The following NCEH1 variants were observed in gnomAD, a reference collection of about 807,000 sequenced individuals.
The protein encoded by NCEH1 is neutral cholesterol ester hydrolase 1.
A neutral mutation model predicts 25.4 loss-of-function variants in NCEH1; 9 were observed. The observed-to-expected ratio is 0.35, with a 90% CI of 0.21 to 0.62. NCEH1 has a LOEUF of 0.62. Ranked by LOEUF, NCEH1 falls within the 20% of genes least tolerant of loss-of-function variation. The pLI is 0.72. For synonymous variants in NCEH1, 200 were observed against 199.8 expected (o/e 1.00, Z -0.01); for missense variants, 412 against 501.1 (o/e 0.82, Z 1.70).
intron 3 of NCEH1, among the ~76,000 whole-genome samples, chr3:172,642,166 T>TC (rs937472002): frequency 2.6e-5 from 4 of 151,750 alleles, no homozygotes; most frequent in African/African-American, 9.7e-5. Flanking sequence ...GCTTTTTTTT[T>TC]CTATTTTTTT....
chr3:172,640,256 C>T (rs1414157824), intron 3 of NCEH1, among the ~76,000 whole-genome samples: 2 of 152,138 alleles, frequency 1.3e-5, no homozygotes, highest in African/African-American at 4.8e-5. Context: ...CACCATCACC[C>T]AAGAAAATCT....
intron 1 of NCEH1, among the ~76,000 whole-genome samples, chr3:172,653,929 G>A (rs901038698): frequency 2.6e-5 from 4 of 151,750 alleles, no homozygotes; most frequent in African/African-American, 9.7e-5. Flanking sequence ...GCTAATTTTT[G>A]TATTTTTAGT....
Position 172,630,431 on chromosome 3 carries a change from T to C in NCEH1, c.*3044A>G, listed in dbSNP as rs1716296441. Reference sequence around the variant, plus strand: ...GGGCCTGCCTGGCTTTTATGAATATTCTAGCCAGTCCAAAGGAGGGCAACA... The same window carrying C: ...GGGCCTGCCTGGCTTTTATGAATATCCTAGCCAGTCCAAAGGAGGGCAACA... On this transcript the variant is annotated 3_prime_UTR_variant, in exon 5 of 5. Coordinates refer to ENST00000475381, the MANE Select transcript of NCEH1 (RefSeq NM_020792.6). 1 of 152,212 alleles carries C rather than the reference T, an allele frequency of 6.6e-6. No individual in the cohort carries two copies. Among genetic ancestry groups the C allele is most frequent in the Admixed American group, 6.5e-5 (1 of 15,278 alleles). The allele number at this position is 152,212 out of a possible 1,614,324, so 9.4% of individuals were successfully genotyped here.
At chr3:172,641,378 T>C (rs1274773933) in intron 3 of NCEH1, among the ~76,000 whole-genome samples, 2 of 152,246 alleles carry the variant, frequency 1.3e-5, no homozygotes, top group African/African-American at 4.8e-5. Flanking sequence ...TCATTTGGTC[T>C]GTCCCCAGAC....
intron 1 of NCEH1, among the ~76,000 whole-genome samples, chr3:172,678,730 G>A (rs1252321278): frequency 6.6e-6 from 1 of 152,004 alleles, no homozygotes; most frequent in Non-Finnish European, 1.5e-5. Context: ...CCTTAAAGGG[G>A]CACAACTGCA....
chr3:172,689,190 G>C (rs966607999), intron 1 of NCEH1, among the ~76,000 whole-genome samples: 2 of 149,440 alleles, frequency 1.3e-5, no homozygotes, highest in African/African-American at 4.9e-5. Flanking sequence ...TTCATAACAA[G>C]CAAGACTATA....
chr3:172,660,451 T>G (rs1199158485), intron 1 of NCEH1, among the ~76,000 whole-genome samples: 1 of 152,196 alleles, frequency 6.6e-6, no homozygotes, highest in African/African-American at 2.4e-5. Flanking sequence ...TGCATGTGTC[T>G]TTATAGTAGC....
At chr3:172,657,136 A>G (rs1023642661) in intron 1 of NCEH1, among the ~76,000 whole-genome samples, 1 of 152,100 alleles carries the variant, frequency 6.6e-6, no homozygotes, top group Admixed American at 6.6e-5. Context: ...CGACTTCACA[A>G]TTCCTTCTTT....
intron 1 of NCEH1, among the ~76,000 whole-genome samples, chr3:172,687,043 C>T (rs573783324): frequency 7.9e-5 from 12 of 152,300 alleles, no homozygotes; most frequent in Non-Finnish European, 1.0e-4. Flanking sequence ...GTACAGTTAA[C>T]GGACAATAAT....
intron 1 of NCEH1, among the ~76,000 whole-genome samples, chr3:172,656,459 T>A (rs1390889297): frequency 1.3e-5 from 2 of 152,172 alleles, no homozygotes; most frequent in Admixed American, 6.5e-5. Context: ...GTTCTGTCTT[T>A]GTCCTAAAGA....
At chr3:172,708,592 C>A (rs1714133785) in intron 1 of NCEH1, among the ~76,000 whole-genome samples, 1 of 152,138 alleles carries the variant, frequency 6.6e-6, no homozygotes, top group South Asian at 2.1e-4. Flanking sequence ...CTCCTGACCT[C>A]GTGATCCACC....
At chr3:172,695,018 CATA>C (rs749080049) in intron 1 of NCEH1, among the ~76,000 whole-genome samples, 1 of 152,188 alleles carries the variant, frequency 6.6e-6, no homozygotes, top group Admixed American at 6.5e-5. Context: ...AGTACTAGCA[CATA>C]ATAATTGCTC....
chr3:172,647,113 T>A (rs1025680095), intron 2 of NCEH1, among the ~76,000 whole-genome samples: 2 of 151,670 alleles, frequency 1.3e-5, no homozygotes, highest in East Asian at 1.9e-4. Flanking sequence ...TTGTTGCTTT[T>A]AAAAAAAAAT....
intron 1 of NCEH1, among the ~76,000 whole-genome samples, chr3:172,658,180 G>A (rs931761771): frequency 6.6e-6 from 1 of 152,208 alleles, no homozygotes; most frequent in Non-Finnish European, 1.5e-5. Flanking sequence ...GGTCCTCACT[G>A]CTACACTCCC....
chr3:172,636,250 C>A, intron 3 of NCEH1, 163 bp from the exon 4 acceptor site: 1 of 459,538 alleles, frequency 2.2e-6, no homozygotes, highest in Non-Finnish European at 3.8e-6. Context: ...AAAAATAAAC[C>A]ATTTTCTTGC....
At chr3:172,688,614 A>G (rs1186538275) in intron 1 of NCEH1, among the ~76,000 whole-genome samples, 5 of 152,212 alleles carry the variant, frequency 3.3e-5, no homozygotes, top group African/African-American at 4.8e-5. Context: ...TCATATTTAT[A>G]TAAGATATGT....
intron 3 of NCEH1, among the ~76,000 whole-genome samples, chr3:172,642,412 G>A (rs927184416): frequency 1.3e-5 from 2 of 151,804 alleles, no homozygotes; most frequent in Admixed American, 1.3e-4. Context: ...CTGGACTCAA[G>A]TGATCCACCT....
intron 1 of NCEH1, among the ~76,000 whole-genome samples, chr3:172,672,761 A>G (rs1711710523): frequency 6.6e-6 from 1 of 152,212 alleles, no homozygotes; most frequent in Non-Finnish European, 1.5e-5. Flanking sequence ...CAGGCTGGCA[A>G]AGTCCAGGAG....
chr3:172,701,296 G>A, intron 1 of NCEH1, among the ~76,000 whole-genome samples: 1 of 152,016 alleles, frequency 6.6e-6, no homozygotes, highest in East Asian at 1.9e-4. Context: ...AGCTATTCCA[G>A]AATCTGTCCC....
Sources: gnomAD v4.1 joint callset for allele counts (sites outside exome capture counted in the v4.1 genomes callset) on GRCh38, gnomAD v4.1.1 for gene constraint, MANE v1.5 for transcripts, NCBI Gene and HGNC (gene_info 2026-07-23, HGNC 2026-07-21) for gene names.